OR1J2: variants seen among roughly 807,000 people sequenced by gnomAD.
OR1J2 encodes olfactory receptor family 1 subfamily J member 2.
For missense variants in OR1J2, 304 were observed against 246.1 expected (o/e 1.24, Z -1.57); for synonymous variants, 142 against 99.7 (o/e 1.42, Z -2.52).
At chr9:122,509,021 C>T (rs574553955), upstream of OR1J2, among the ~76,000 whole-genome samples, 153 of 152,304 alleles carry the variant, frequency 1.0e-3, no homozygotes, top group African/African-American at 2.8e-3. Context: ...TCTTCGAATA[C>T]GTCTCTGATT....
chr9:122,474,697 T>C, the OR1J2 span, among the ~76,000 whole-genome samples: 1 of 152,242 alleles, frequency 6.6e-6, no homozygotes, highest in Non-Finnish European at 1.5e-5. Context: ...CATCTCTTTG[T>C]ATCTTTCACT....
the OR1J2 span, among the ~76,000 whole-genome samples, chr9:122,492,913 C>T: frequency 2.0e-5 from 3 of 152,098 alleles, no homozygotes; most frequent in Admixed American, 6.6e-5. Flanking sequence ...AGGTTTTAAT[C>T]GTAAAAGGAT....
chr9:122,524,795 A>T, the OR1J2 span, among the ~76,000 whole-genome samples: 1 of 152,218 alleles, frequency 6.6e-6, no homozygotes, highest in Admixed American at 6.5e-5. Flanking sequence ...CATAGGTTTC[A>T]GATATAGTGT....
At chr9:122,509,033 A>T (rs999697618), upstream of OR1J2, among the ~76,000 whole-genome samples, 10 of 152,174 alleles carry the variant, frequency 6.6e-5, no homozygotes, top group African/African-American at 2.4e-4. Flanking sequence ...TCTCTGATTC[A>T]GACTCTTCTA....
chr9:122,528,882 A>G, the OR1J2 span, among the ~76,000 whole-genome samples: 16 of 152,238 alleles, frequency 1.1e-4, no homozygotes, highest in African/African-American at 3.9e-4. Context: ...GCTCTCAGAC[A>G]GGTGTTCTTT....
chr9:122,470,642 C>T, the OR1J2 span, among the ~76,000 whole-genome samples: 10 of 152,180 alleles, frequency 6.6e-5, no homozygotes, highest in African/African-American at 2.2e-4. Flanking sequence ...TGTAGAGCCA[C>T]CCACAGCTTT....
At chr9:122,542,426 A>G in the OR1J2 span, among the ~76,000 whole-genome samples, 1 of 152,240 alleles carries the variant, frequency 6.6e-6, no homozygotes, top group Admixed American at 6.5e-5. Context: ...AAATATTTAT[A>G]TAAATGCATA....
downstream of OR1J2, among the ~76,000 whole-genome samples, chr9:122,516,272 A>G (rs968242753): frequency 1.3e-5 from 2 of 149,182 alleles, no homozygotes; most frequent in African/African-American, 4.9e-5. Flanking sequence ...AAGAGGCTGA[A>G]TGTGGTGGGG....
the OR1J2 span, among the ~76,000 whole-genome samples, chr9:122,539,056 T>C: frequency 6.6e-6 from 1 of 152,062 alleles, no homozygotes; most frequent in Non-Finnish European, 1.5e-5. Flanking sequence ...CACCTATCTC[T>C]CGGTCTCTGT....
chr9:122,492,629 A>G, the OR1J2 span, among the ~76,000 whole-genome samples: 1 of 152,104 alleles, frequency 6.6e-6, no homozygotes, highest in Admixed American at 6.6e-5. Flanking sequence ...GTGTATAAAC[A>G]TTCCCTTTTC....
chr9:122,537,731 A>T, the OR1J2 span, among the ~76,000 whole-genome samples: 3 of 152,110 alleles, frequency 2.0e-5, no homozygotes, highest in African/African-American at 7.2e-5. Context: ...CTGGGCTGGC[A>T]TCTGAAATTC....
chr9:122,565,954 A>G, the OR1J2 span, among the ~76,000 whole-genome samples: 3 of 152,228 alleles, frequency 2.0e-5, no homozygotes, highest in Non-Finnish European at 4.4e-5. Flanking sequence ...TGCTCTTCCA[A>G]GGCCTAAGCA....
the OR1J2 span, chr9:122,553,355 T>C: frequency 1.9e-6 from 3 of 1,614,002 alleles, no homozygotes; most frequent in Admixed American, 3.3e-5. Flanking sequence ...ACCTGCTCAT[T>C]ATCCTGGCCA....
the OR1J2 span, among the ~76,000 whole-genome samples, chr9:122,531,114 C>T: frequency 6.6e-6 from 1 of 152,056 alleles, no homozygotes; most frequent in South Asian, 2.1e-4. Context: ...CGATGTTTCT[C>T]AGGTCTGCTT....
chr9:122,482,163 T>C, the OR1J2 span, among the ~76,000 whole-genome samples: 1 of 151,944 alleles, frequency 6.6e-6, no homozygotes, highest in African/African-American at 2.4e-5. Context: ...AACAACCCAA[T>C]AGCAAAAACA....
upstream of OR1J2, among the ~76,000 whole-genome samples, chr9:122,510,143 C>T (rs1286877884): frequency 6.6e-6 from 1 of 152,126 alleles, no homozygotes; most frequent in Non-Finnish European, 1.5e-5. Context: ...TACCCCAGAA[C>T]TTAAATTAGG....
chr9:122,529,457 T>C, the OR1J2 span, among the ~76,000 whole-genome samples: 1 of 152,208 alleles, frequency 6.6e-6, no homozygotes, highest in African/African-American at 2.4e-5. Flanking sequence ...ATCAGGCTAT[T>C]TCTATGGAGG....
the OR1J2 span, among the ~76,000 whole-genome samples, chr9:122,524,152 TATCACAGAA>T: frequency 6.6e-6 from 1 of 152,352 alleles, no homozygotes; most frequent in Middle Eastern, 3.4e-3. Flanking sequence ...GAATAAATCC[TATCACAGAA>T]ATACTTACCA....
chr9:122,575,730 A>G, the OR1J2 span, among the ~76,000 whole-genome samples: 6 of 152,208 alleles, frequency 3.9e-5, no homozygotes, highest in South Asian at 2.1e-4. Flanking sequence ...TAACATATCT[A>G]TAATCTCACA....
Sources: allele counts gnomAD v4.1 joint callset (sites outside exome capture counted in the v4.1 genomes callset), GRCh38; gene constraint gnomAD v4.1.1; transcripts MANE v1.5; gene names NCBI Gene and HGNC (gene_info 2026-07-23, HGNC 2026-07-21).